Variants in PTPRD observed in about 807,000 individuals in gnomAD.
The protein encoded by PTPRD is protein tyrosine phosphatase receptor type D.
Under a neutral mutation model 214.5 loss-of-function variants are expected in PTPRD, and 34 were observed. The ratio of observed to expected loss-of-function variants is 0.16; its 90% CI spans 0.12 to 0.21. The LOEUF is 0.21. Ranked by LOEUF, PTPRD falls within the 10% of genes least tolerant of loss-of-function variation. PTPRD has a pLI of 1.00. For missense variants in PTPRD, 2,545 were observed against 2,398.7 expected (o/e 1.06, Z -1.27); for synonymous variants, 1,128 against 845.7 (o/e 1.33, Z -5.79).
intron 2 of PTPRD, among the ~76,000 whole-genome samples, chr9:10,364,900 A>T (rs1383604983): frequency 1.3e-5 from 2 of 152,224 alleles, no homozygotes; most frequent in Non-Finnish European, 2.9e-5. Flanking sequence ...AACGCTGTAC[A>T]ATGGTAAGAG....
intron 8 of PTPRD, among the ~76,000 whole-genome samples, chr9:9,472,189 C>CTTTTTT (rs1220396472): frequency 8.5e-5 from 7 of 82,824 alleles, no homozygotes; most frequent in Non-Finnish European, 1.5e-4. Flanking sequence ...CTACTCCAAT[C>CTTTTTT]TTTTTTTTTT....
At chr9:9,425,765 G>GA (rs1474212809) in intron 8 of PTPRD, among the ~76,000 whole-genome samples, 1 of 152,044 alleles carries the variant, frequency 6.6e-6, no homozygotes, top group African/African-American at 2.4e-5. Flanking sequence ...ATTTGGTTAG[G>GA]AAAATCAGCA....
At chr9:8,356,352 C>T (rs954004608) in intron 39 of PTPRD, among the ~76,000 whole-genome samples, 1 of 152,164 alleles carries the variant, frequency 6.6e-6, no homozygotes, top group African/African-American at 2.4e-5. Context: ...GATAACAGAA[C>T]TATTTTTAAG....
chr9:8,537,248 A>C (rs2140034551), intron 14 of PTPRD, among the ~76,000 whole-genome samples: 1 of 152,124 alleles, frequency 6.6e-6, no homozygotes, highest in Non-Finnish European at 1.5e-5. Context: ...GCCATTATCG[A>C]AATGTTACGC....
intron 2 of PTPRD, among the ~76,000 whole-genome samples, chr9:10,534,862 G>A (rs772590440): frequency 4.6e-5 from 7 of 152,156 alleles, no homozygotes; most frequent in Non-Finnish European, 1.0e-4. Context: ...GACACTGACT[G>A]TGCAGATGGC....
rs1412120360 is a variant in PTPRD, at chr9:8,317,691, A to AAACT, written c.*179_*182dup. On this transcript the variant is annotated 3_prime_UTR_variant, in exon 46 of 46. Transcript: ENST00000381196. Reference sequence around the variant, plus strand: ...TCATTATTTTTCAGGTTAGATTATTAAACTGTGAATTCTTGGTCCACCTGG... The same window carrying AAACT: ...TCATTATTTTTCAGGTTAGATTATTAAACTAACTGTGAATTCTTGGTCCACCTGG... The AAACT allele has an allele frequency of 2.0e-6, 1 of 499,688 alleles. No individual in the cohort carries two copies. Among genetic ancestry groups the AAACT allele is most frequent in the Non-Finnish European group, 3.7e-6 (1 of 271,962 alleles). 31.0% of individuals were successfully genotyped at this position (499,688 alleles called of 1,614,324 possible).
At chr9:10,202,364 C>G (rs1204417405) in intron 3 of PTPRD, among the ~76,000 whole-genome samples, 1 of 151,800 alleles carries the variant, frequency 6.6e-6, no homozygotes, top group African/African-American at 2.4e-5. Flanking sequence ...TGTTATTGAA[C>G]AGATTCCAGC....
chr9:9,270,773 G>T (rs1182218018), intron 9 of PTPRD, among the ~76,000 whole-genome samples: 1 of 151,414 alleles, frequency 6.6e-6, no homozygotes, highest in African/African-American at 2.4e-5. Context: ...ATCTTTAGAT[G>T]ATGGTGTTTG....
At chr9:9,177,041 G>C (rs1330526128) in intron 10 of PTPRD, among the ~76,000 whole-genome samples, 1 of 152,082 alleles carries the variant, frequency 6.6e-6, no homozygotes, top group Admixed American at 6.6e-5. Flanking sequence ...CTGCTATAAA[G>C]AACTGCCCAA....
Position 8,870,573 on chromosome 9 carries a change from C to T in PTPRD, c.-103-136627G>A, listed in dbSNP as rs112587641. 3.9e-4 allele frequency among the ~76,000 whole-genome samples: 59 copies of T among 152,236 alleles called. 1 individual carries two copies. The highest frequency in any genetic ancestry group is 8.9e-4 in the African/African-American group (37 of 41,540). On this transcript the variant is annotated intron_variant, in intron 11 of 45. Transcript: ENST00000381196. ...GCCCTCGTGTGTAACAACCCTCCAA[C>T]TATTCTGGTTACAGTTGCTGGGAAA...
chr9:9,477,184 A>G (rs113280214), intron 8 of PTPRD, among the ~76,000 whole-genome samples: 5 of 152,330 alleles, frequency 3.3e-5, no homozygotes, highest in African/African-American at 1.2e-4. Context: ...TGACTCCACA[A>G]TATTTTTATC....
At chr9:10,121,480 T>A (rs1375645868) in intron 3 of PTPRD, among the ~76,000 whole-genome samples, 1 of 152,132 alleles carries the variant, frequency 6.6e-6, no homozygotes, top group Non-Finnish European at 1.5e-5. Flanking sequence ...ATTCTACTAC[T>A]AACAACACAT....
chr9:10,482,326 G>A (rs980255985), intron 2 of PTPRD, among the ~76,000 whole-genome samples: 2 of 151,968 alleles, frequency 1.3e-5, no homozygotes, highest in Non-Finnish European at 1.5e-5. Flanking sequence ...AGCCGAGATG[G>A]CGCCACTGCA....
At chr9:8,318,040 A>G in intron 45 of PTPRD, 98 bp from the exon 46 acceptor site, 1 of 1,154,648 alleles carries the variant, frequency 8.7e-7, no homozygotes, top group Non-Finnish European at 1.3e-6. Context: ...AATAACATCT[A>G]TATAGGGGCA....
chr9:8,713,866 C>A (rs890769003), intron 12 of PTPRD: 1 of 1,247,488 alleles, frequency 8.0e-7, no homozygotes, highest in Non-Finnish European at 1.1e-6. Flanking sequence ...CCCGGGTGCG[C>A]CCCAAATAAA....
At chr9:9,135,236 T>G (rs1213912675) in intron 10 of PTPRD, among the ~76,000 whole-genome samples, 1 of 152,218 alleles carries the variant, frequency 6.6e-6, no homozygotes, top group Non-Finnish European at 1.5e-5. Flanking sequence ...TCAGAAGATT[T>G]TAGACTTCAA....
chr9:10,061,829 C>G (rs440764), intron 3 of PTPRD, among the ~76,000 whole-genome samples: 25,014 of 151,896 alleles, frequency 0.16, 4,609 homozygotes, highest in African/African-American at 0.45. Context: ...GCCTAAGTGA[C>G]TACAATTTAT....
rs2154434861 is a variant in PTPRD at position 8,733,830 on chromosome 9, G to C, written c.14C>G (p.Ala5Gly). The C allele has an allele frequency of 3.9e-6, 6 of 1,552,008 alleles. No individual in the cohort carries two copies. The highest frequency in any genetic ancestry group is 5.2e-6 in the Non-Finnish European group (6 of 1,147,364). Residue 5 changes from alanine (A) to glycine (G), a missense_variant, in exon 12 of 46, where the codon GCC becomes GGC. By Grantham distance (60) the Ala-to-Gly change is moderately conservative. Coordinates refer to ENST00000381196, the MANE Select transcript of PTPRD (RefSeq NM_002839.4). ...AGTGAGGAGCAGCAGCAGCAGCCTG[G>C]CTACGTGCACCATCCTGCAGCTTGG... is the stretch of plus-strand genomic sequence containing the variant. MVHV[A>G]RLLLLLLTFF...
chr9:9,192,109 C>CTAAAAA (rs1455651236), intron 9 of PTPRD, among the ~76,000 whole-genome samples: 2 of 151,868 alleles, frequency 1.3e-5, no homozygotes, highest in African/African-American at 4.8e-5. Context: ...TCATCTGAAT[C>CTAAAAA]TAAAAATGAG....
Sources: allele counts gnomAD v4.1 joint callset (sites outside exome capture counted in the v4.1 genomes callset), GRCh38; gene constraint gnomAD v4.1.1; transcripts MANE v1.5; gene names NCBI Gene and HGNC (gene_info 2026-07-23, HGNC 2026-07-21).